The following CNTN1 variants were observed in gnomAD, a reference collection of about 807,000 sequenced individuals.
CNTN1 encodes the protein contactin 1.
CNTN1 carries 38 observed loss-of-function variants against 126.4 expected under a neutral mutation model. The observed-to-expected ratio is 0.30, with a 90% CI of 0.23 to 0.39. The LOEUF is 0.39. Among genes scored for constraint, CNTN1 ranks in the 10% least tolerant of loss-of-function variants. CNTN1 has a pLI of 1.00. For missense variants in CNTN1, 1,009 were observed against 1,248.4 expected, an observed-to-expected ratio of 0.81 and a Z score of 2.89; for synonymous variants, 413 against 422.6, an observed-to-expected ratio of 0.98 and a Z score of 0.28.
At chr12:41,021,098 A>G (rs1948896746) in intron 20 of CNTN1, among the ~76,000 whole-genome samples, 1 of 152,230 alleles carries the variant, frequency 6.6e-6, no homozygotes, top group Non-Finnish European at 1.5e-5. Context: ...ATGTGAAATC[A>G]TCATCTCACA....
At chr12:40,982,449 C>A (rs1004738949) in intron 16 of CNTN1, among the ~76,000 whole-genome samples, 13 of 152,084 alleles carry the variant, frequency 8.5e-5, no homozygotes, top group Non-Finnish European at 1.3e-4. Flanking sequence ...AAAAGAAATA[C>A]TAATTGCAAT....
intron 1 of CNTN1, among the ~76,000 whole-genome samples, chr12:40,759,421 T>G (rs1938748871): frequency 6.6e-6 from 1 of 151,680 alleles, no homozygotes; most frequent in African/African-American, 2.4e-5. Context: ...TTCTCTTTCT[T>G]TCTCCCTCCC....
intron 1 of CNTN1, among the ~76,000 whole-genome samples, chr12:40,783,350 G>A (rs901032941): frequency 6.6e-6 from 1 of 152,024 alleles, no homozygotes; most frequent in Non-Finnish European, 1.5e-5. Flanking sequence ...ATATATGTGA[G>A]AAGATGCAAG....
chr12:41,058,739 A>T (rs554687143), intron 23 of CNTN1, among the ~76,000 whole-genome samples: 1 of 152,080 alleles, frequency 6.6e-6, no homozygotes, highest in African/African-American at 2.4e-5. Flanking sequence ...CTGTGCAGAT[A>T]CAATCCAAGG....
At position 40,820,244 on chromosome 12, in the gene CNTN1, CA is replaced by C. The variant is rs1941403106; in HGVS notation, c.-76-88112del. Among the ~76,000 whole-genome samples, 3 of 152,192 alleles carry C rather than the reference CA, an allele frequency of 2.0e-5. No individual in the cohort carries two copies. The South Asian group carries it at 6.2e-4, about 32-fold the overall frequency. ...CAGCTCTTGTGGGAACTAATTCACT[CA>C]CCTCTGATGGAGGGCATTACTCTAT... On this transcript the variant is annotated intron_variant, in intron 1 of 23. Transcript: ENST00000551295.
At chr12:40,785,848 A>C (rs1462690158) in intron 1 of CNTN1, among the ~76,000 whole-genome samples, 1 of 152,170 alleles carries the variant, frequency 6.6e-6, no homozygotes, top group Non-Finnish European at 1.5e-5. Context: ...CACATTAACT[A>C]ACTGAGGGAG....
At chr12:40,800,330 T>G (rs1940598713) in intron 1 of CNTN1, among the ~76,000 whole-genome samples, 1 of 151,980 alleles carries the variant, frequency 6.6e-6, no homozygotes, top group Non-Finnish European at 1.5e-5. Flanking sequence ...AATGCAGAAC[T>G]GTGAGTCAAT....
At chr12:40,796,115 T>C (rs1201013402) in intron 1 of CNTN1, among the ~76,000 whole-genome samples, 3 of 152,016 alleles carry the variant, frequency 2.0e-5, no homozygotes, top group Non-Finnish European at 4.4e-5. Context: ...TGCTTTTAAA[T>C]ATTCATAAAG....
Position 40,924,622 on chromosome 12 carries a change from C to A in CNTN1, c.466C>A (p.Leu156Ile). Reference protein sequence around the residue: ...VRVKEGKGMVLLCDPPYHFPD... With the variant: ...VRVKEGKGMVILCDPPYHFPD... ...AGTAAAAGAAGGGAAAGGAATGGTGCTTCTCTGTGACCCCCCATACCATTT... is the reference window on the plus strand; with the variant it reads ...AGTAAAAGAAGGGAAAGGAATGGTGATTCTCTGTGACCCCCCATACCATTT... The change falls in exon 6 of 24, where the codon CTT becomes ATT. Residue 156 changes from leucine (L) to isoleucine (I), a missense_variant. By Grantham distance (5) the Leu-to-Ile change is conservative (BLOSUM62 2). Coordinates refer to ENST00000551295, the MANE Select transcript of CNTN1 (RefSeq NM_001843.4). 3 of 1,605,152 alleles carry A rather than the reference C, an allele frequency of 1.9e-6. No individual in the cohort carries two copies. In the East Asian group the frequency reaches 6.7e-5, roughly 36 times the overall value.
chr12:40,737,428 G>A (rs1937746113), intron 1 of CNTN1, among the ~76,000 whole-genome samples: 1 of 147,764 alleles, frequency 6.8e-6, no homozygotes, highest in Non-Finnish European at 1.5e-5. Flanking sequence ...TCCCACAGTA[G>A]GCTGTCTGCA....
chr12:40,778,144 A>C (rs1370048962), intron 1 of CNTN1, among the ~76,000 whole-genome samples: 3 of 151,888 alleles, frequency 2.0e-5, no homozygotes, highest in African/African-American at 7.2e-5. Context: ...CCTGGAATCT[A>C]ATTGTACCTG....
chr12:40,970,211 G>A (rs1947457063), intron 15 of CNTN1, among the ~76,000 whole-genome samples: 1 of 151,970 alleles, frequency 6.6e-6, no homozygotes, highest in Non-Finnish European at 1.5e-5. Flanking sequence ...AGTTTAGGAA[G>A]GCTCCCTTGG....
intron 1 of CNTN1, among the ~76,000 whole-genome samples, chr12:40,892,984 T>C (rs944721880): frequency 6.7e-6 from 1 of 150,358 alleles, no homozygotes; most frequent in African/African-American, 2.5e-5. Flanking sequence ...AATACATGAT[T>C]GAGTTGAAAA....
intron 1 of CNTN1, among the ~76,000 whole-genome samples, chr12:40,804,910 G>A (rs986568317): frequency 6.6e-6 from 1 of 151,672 alleles, no homozygotes; most frequent in African/African-American, 2.4e-5. Context: ...GATTTTCACT[G>A]CGTATCAGAT....
intron 1 of CNTN1, among the ~76,000 whole-genome samples, chr12:40,899,914 C>A (rs1396231561): frequency 6.6e-6 from 1 of 151,952 alleles, no homozygotes; most frequent in Admixed American, 6.6e-5. Context: ...TAATCTAAAG[C>A]AAAGACAGAT....
chr12:40,776,666 AG>A (rs1429699397), intron 1 of CNTN1, among the ~76,000 whole-genome samples: 5 of 151,754 alleles, frequency 3.3e-5, no homozygotes, highest in Admixed American at 6.6e-5. Flanking sequence ...GACTTAAGAA[AG>A]GAATAGTCTC....
intron 1 of CNTN1, among the ~76,000 whole-genome samples, chr12:40,824,871 G>A (rs1161984701): frequency 2.6e-5 from 4 of 152,080 alleles, no homozygotes; most frequent in Admixed American, 6.6e-5. Context: ...TCGCATAGTG[G>A]AATAAAATAA....
chr12:40,826,718 T>G (rs1941624895), intron 1 of CNTN1, among the ~76,000 whole-genome samples: 1 of 152,190 alleles, frequency 6.6e-6, no homozygotes, highest in Non-Finnish European at 1.5e-5. Flanking sequence ...CCACCAAGGG[T>G]GAACACCTCC....
intron 1 of CNTN1, among the ~76,000 whole-genome samples, chr12:40,811,669 A>C (rs73116761): frequency 0.023 from 3,467 of 151,990 alleles, 128 homozygotes; most frequent in African/African-American, 0.078. Context: ...TTTCTTCTAG[A>C]TTATCCAATT....
Sources: gnomAD v4.1 joint callset for allele counts (sites outside exome capture counted in the v4.1 genomes callset) on GRCh38, gnomAD v4.1.1 for gene constraint, MANE v1.5 for transcripts, NCBI Gene and HGNC (gene_info 2026-07-23, HGNC 2026-07-21) for gene names.